SYNE1: variants seen among roughly 807,000 people sequenced by gnomAD.
SYNE1 encodes nesprin-1.
A neutral mutation model predicts 1,111.0 loss-of-function variants in SYNE1; 616 were observed. That is an observed-to-expected ratio of 0.55 (90% CI 0.52 to 0.59). The LOEUF (loss-of-function observed/expected upper bound fraction) is 0.59, where lower values mean the gene tolerates loss of function less well. Among genes scored for constraint, SYNE1 ranks in the 20% least tolerant of loss-of-function variants. SYNE1 has a pLI of 0.00. For missense variants in SYNE1, 10,006 were observed against 10,417.0 expected (o/e 0.96, Z 1.72); for synonymous variants, 3,855 against 3,825.8 (o/e 1.01, Z -0.28).
intron 84 of SYNE1, chr6:152,320,162 A>ATT (rs1369687379): frequency 6.6e-6 from 1 of 152,228 alleles, no homozygotes; most frequent in Non-Finnish European, 1.5e-5. Context: ...TGTCTCAAAA[A>ATT]TATAAAAAGA....
In SYNE1 at chr6:152,455,597, G is replaced by T; in HGVS notation, c.2728-7C>A. On this transcript the variant is annotated splice_region_variant and splice_polypyrimidine_tract_variant and intron_variant, in intron 23 of 145. Coordinates refer to ENST00000367255, the MANE Select transcript of SYNE1 (RefSeq NM_182961.4). ...CAGTTTTCTTTACCATACTCTTGAT[G>T]TGAAAAACAATCATAATGTGATGCT... is the stretch of plus-strand genomic sequence containing the variant. 6.2e-7 allele frequency: 1 copy of T among 1,614,064 alleles called. No individual in the cohort carries two copies. Among genetic ancestry groups the T allele is most frequent in the Non-Finnish European group, 8.5e-7 (1 of 1,179,964 alleles).
chr6:152,594,904 T>C (rs2099576609), intron 3 of SYNE1, among the ~76,000 whole-genome samples: 1 of 152,238 alleles, frequency 6.6e-6, no homozygotes, highest in Non-Finnish European at 1.5e-5. Context: ...GAAAACATTC[T>C]TATCAATGCC....
chr6:152,567,600 G>A lies in SYNE1; in HGVS notation c.68-27579C>T, dbSNP rs183602129. ...AACAGAGTATTTTTTCAACTGCCAT[G>A]ATGTCTCCAGCCTGAAACTCTCCTT... On this transcript the variant is annotated intron_variant, in intron 3 of 145. Coordinates refer to ENST00000367255, the MANE Select transcript of SYNE1 (RefSeq NM_182961.4). Among the ~76,000 whole-genome samples, 5 of 152,250 alleles carry A rather than the reference G, an allele frequency of 3.3e-5. No individual in the cohort carries two copies. The East Asian group carries it at 9.7e-4, about 29-fold the overall frequency.
intron 105 of SYNE1, 53 bp from the exon 106 acceptor site, chr6:152,244,709 G>A (rs1354576084): frequency 2.2e-5 from 35 of 1,609,232 alleles, no homozygotes; most frequent in South Asian, 1.3e-4. Context: ...ATTTCCCCAC[G>A]GAAGATGTGA....
At chr6:152,354,094 C>T (rs927499372) in intron 67 of SYNE1, among the ~76,000 whole-genome samples, 28 of 151,940 alleles carry the variant, frequency 1.8e-4, no homozygotes, top group African/African-American at 4.1e-4. Context: ...GAGCTGAGAC[C>T]GCACCACTGC....
intron 16 of SYNE1, among the ~76,000 whole-genome samples, chr6:152,466,464 T>C (rs1340901326): frequency 2.6e-5 from 4 of 152,182 alleles, no homozygotes; most frequent in Admixed American, 6.5e-5. Flanking sequence ...TGAACATTAA[T>C]CCTGGTGAAT....
At chr6:152,361,802 A>G (rs2096935875) in intron 64 of SYNE1, among the ~76,000 whole-genome samples, 1 of 151,918 alleles carries the variant, frequency 6.6e-6, no homozygotes, top group Admixed American at 6.6e-5. Flanking sequence ...TACTAATGTA[A>G]GCATTATGAC....
chr6:152,380,848 G>T (rs1164578736), intron 56 of SYNE1, among the ~76,000 whole-genome samples, 158 bp downstream of exon 56: 1 of 152,074 alleles, frequency 6.6e-6, no homozygotes, highest in Non-Finnish European at 1.5e-5. Context: ...ATAAGAAAAG[G>T]AAACAAATCA....
At chr6:152,388,034 A>T (rs2097549875) in intron 53 of SYNE1, among the ~76,000 whole-genome samples, 1 of 152,208 alleles carries the variant, frequency 6.6e-6, no homozygotes, top group South Asian at 2.1e-4. Context: ...ATTATTAAGC[A>T]TTACAAACTA....
At chr6:152,451,274 G>A (rs1184636446) in intron 25 of SYNE1, 69 bp from the exon 26 acceptor site, 1 of 1,478,528 alleles carries the variant, frequency 6.8e-7, no homozygotes. Context: ...CAATTGAAGT[G>A]GCAAAAAAAA....
chr6:152,558,233 C>G (rs966430934), intron 3 of SYNE1, among the ~76,000 whole-genome samples: 6 of 151,846 alleles, frequency 4.0e-5, no homozygotes, highest in Non-Finnish European at 8.8e-5. Context: ...AACATACCAC[C>G]ACAAAAAAAA....
chr6:152,326,682 TTGCAGGAA>T, intron 78 of SYNE1, 49 bp from the exon 79 acceptor site: 1 of 1,561,976 alleles, frequency 6.4e-7, no homozygotes, highest in Non-Finnish European at 8.7e-7. Context: ...TGCAATGTGT[TTGCAGGAA>T]AGAGTTTTAT....
At chr6:152,283,527 G>GT (rs2094149807) in intron 96 of SYNE1, among the ~76,000 whole-genome samples, 1 of 151,898 alleles carries the variant, frequency 6.6e-6, no homozygotes. Flanking sequence ...GTTTTGTTTT[G>GT]TTTGTTTGTT....
rs762921975 is a variant in SYNE1, at chr6:152,325,929, AT to A, written c.15438+28del. ...GACTCATTATAATTATAGAAAAAGGATTTTTTTTAAATGGCCCAAAACTCTG... is the reference window on the plus strand; with the variant it reads ...GACTCATTATAATTATAGAAAAAGGATTTTTTTAAATGGCCCAAAACTCTG... On this transcript the variant is annotated intron_variant, in intron 80 of 145. Transcript: ENST00000367255. 1.4e-4 allele frequency: 231 copies of A among 1,613,376 alleles called. No homozygotes were observed. The African/African-American group carries it at 2.3e-3, about 16-fold the overall frequency.
intron 63 of SYNE1, 106 bp downstream of exon 63, chr6:152,364,741 G>A: frequency 7.3e-7 from 1 of 1,373,264 alleles, no homozygotes; most frequent in South Asian, 1.2e-5. Flanking sequence ...AGGAAGGAAA[G>A]GAAAGGGAAG....
At position 152,455,872 on chromosome 6, in the gene SYNE1, G is replaced by A. The variant is rs762773172; in HGVS notation, c.2727+14C>T. Reference sequence around the variant, plus strand: ...TCCCTGGCTCACAGCTCTAAAGCAGGGAGAGCAAATTACCTGAAAAGCAAC... The same window carrying A: ...TCCCTGGCTCACAGCTCTAAAGCAGAGAGAGCAAATTACCTGAAAAGCAAC... On this transcript the variant is annotated intron_variant, in intron 23 of 145. Transcript: ENST00000367255. 2.0e-5 allele frequency: 32 copies of A among 1,613,792 alleles called. No individual in the cohort carries two copies. The East Asian group carries it at 6.2e-4, about 31-fold the overall frequency.
At chr6:152,351,822 T>A (rs2096746182) in intron 70 of SYNE1, among the ~76,000 whole-genome samples, 1 of 152,200 alleles carries the variant, frequency 6.6e-6, no homozygotes, top group Non-Finnish European at 1.5e-5. Context: ...GAGTATCAGA[T>A]CTCTGAATGC....
chr6:152,523,327 A>G (rs551892327), intron 5 of SYNE1, among the ~76,000 whole-genome samples: 1 of 152,062 alleles, frequency 6.6e-6, no homozygotes, highest in African/African-American at 2.4e-5. Flanking sequence ...TCTTCAATCT[A>G]CATTTTTGAA....
intron 3 of SYNE1, among the ~76,000 whole-genome samples, chr6:152,620,327 G>A (rs1032692141): frequency 2.6e-5 from 4 of 151,804 alleles, no homozygotes; most frequent in Non-Finnish European, 2.9e-5. Context: ...TTATCTGTCC[G>A]GGCTCCCTGG....
Sources: allele counts gnomAD v4.1 joint callset (sites outside exome capture counted in the v4.1 genomes callset), GRCh38; gene constraint gnomAD v4.1.1; transcripts MANE v1.5; gene names NCBI Gene and HGNC (gene_info 2026-07-23, HGNC 2026-07-21).